The following SRGAP2 variants were observed in gnomAD, a reference collection of about 807,000 sequenced individuals.
The protein encoded by SRGAP2 is SLIT-ROBO Rho GTPase activating protein 2, also known as SLIT-ROBO Rho GTPase-activating protein 2.
SRGAP2 carries 15 observed loss-of-function variants against 57.2 expected under a neutral mutation model. The ratio of observed to expected loss-of-function variants is 0.26; its 90% CI spans 0.18 to 0.40. The LOEUF (loss-of-function observed/expected upper bound fraction) is 0.40, where lower values mean the gene tolerates loss of function less well. Among genes scored for constraint, SRGAP2 ranks in the 10% least tolerant of loss-of-function variants. The pLI, the probability that SRGAP2 is intolerant of heterozygous loss-of-function variation, is 1.00. For synonymous variants in SRGAP2, 249 were observed against 248.0 expected (o/e 1.00, Z -0.04); for missense variants, 520 against 669.6 (o/e 0.78, Z 2.47).
At chr1:206,451,264 C>T (rs879971734) in intron 19 of SRGAP2, among the ~76,000 whole-genome samples, 6 of 152,128 alleles carry the variant, frequency 3.9e-5, no homozygotes, top group Admixed American at 1.3e-4. Context: ...AAAACTGACC[C>T]TTTCCAAAGT....
intron 2 of SRGAP2, among the ~76,000 whole-genome samples, chr1:206,261,554 G>GT (rs1250898352): frequency 1.3e-5 from 2 of 148,686 alleles, no homozygotes; most frequent in Non-Finnish European, 3.0e-5. Context: ...CAGGTGAGCA[G>GT]TTAAAAAAAA....
At chr1:206,354,231 T>C (rs1303547610) in intron 4 of SRGAP2, among the ~76,000 whole-genome samples, 2 of 152,218 alleles carry the variant, frequency 1.3e-5, no homozygotes, top group African/African-American at 4.8e-5. Flanking sequence ...ATAGAAACTC[T>C]AGGTGTACTT....
At chr1:206,224,409 A>G (rs1667158633) in intron 2 of SRGAP2, among the ~76,000 whole-genome samples, 1 of 145,240 alleles carries the variant, frequency 6.9e-6, no homozygotes, top group Non-Finnish European at 1.5e-5. Flanking sequence ...TACCTATACG[A>G]AAGTAGTTAA....
intron 3 of SRGAP2, among the ~76,000 whole-genome samples, chr1:206,326,814 A>C (rs1395028563): frequency 6.6e-6 from 1 of 152,234 alleles, no homozygotes; most frequent in Non-Finnish European, 1.5e-5. Context: ...TAGGCACAGA[A>C]GATTCACTGA....
chr1:206,359,798 C>CCTTTTTTTTTT (rs1676747838), intron 4 of SRGAP2, among the ~76,000 whole-genome samples: 1 of 70,212 alleles, frequency 1.4e-5, no homozygotes, highest in African/African-American at 5.9e-5. Context: ...GGATATTGCT[C>CCTTTTTTTTTT]TTTTTTTTTT....
At chr1:206,445,582 T>G (rs1250095006) in intron 17 of SRGAP2, among the ~76,000 whole-genome samples, 5 of 152,220 alleles carry the variant, frequency 3.3e-5, no homozygotes, top group Non-Finnish European at 7.4e-5. Flanking sequence ...GAAAGGAATA[T>G]CCCTAATAAT....
intron 18 of SRGAP2, among the ~76,000 whole-genome samples, chr1:206,447,076 G>A (rs1288674754): frequency 6.6e-6 from 1 of 152,136 alleles, no homozygotes; most frequent in Non-Finnish European, 1.5e-5. Context: ...GGTACAGTCC[G>A]TTACCCCATG....
intron 4 of SRGAP2, among the ~76,000 whole-genome samples, chr1:206,365,649 G>A (rs1251821804): frequency 1.5e-5 from 2 of 131,150 alleles, no homozygotes; most frequent in Non-Finnish European, 3.1e-5. Flanking sequence ...ACTCAGGGCC[G>A]GGGTAGGCGT....
At position 206,461,411 on chromosome 1, in the gene SRGAP2, T is replaced by G. The variant is rs1350473231; in HGVS notation, c.3207T>G (p.Cys1069Trp). Residue 1069 changes from cysteine (C) to tryptophan (W), a missense_variant, in exon 23 of 23, where the codon TGT (cysteine) becomes TGG (tryptophan). By Grantham distance (215) the Cys-to-Trp change is radical. Transcript: ENST00000573034. ...CCCCACAGTCTACTGACAAGTCTTG[T>G]ACTGTCTGAGGGATAATAATTTAAT... ...STSPQSTDKS[C>W]TV The G allele has an allele frequency of 1.3e-6, 1 of 771,832 alleles. No homozygotes were observed. The highest frequency in any genetic ancestry group is 2.4e-6 in the Non-Finnish European group (1 of 411,984). 47.8% of individuals were successfully genotyped at this position (771,832 alleles called of 1,614,324 possible).
At chr1:206,259,561 T>G (rs61815475) in intron 2 of SRGAP2, among the ~76,000 whole-genome samples, 60,147 of 146,614 alleles carry the variant, frequency 0.41, 12,723 homozygotes, top group East Asian at 0.71. Flanking sequence ...GATCTCAAAC[T>G]CCTGGGCTCA....
At chr1:206,327,347 T>C (rs1490628280) in intron 3 of SRGAP2, among the ~76,000 whole-genome samples, 1 of 148,840 alleles carries the variant, frequency 6.7e-6, no homozygotes, top group Admixed American at 6.7e-5. Flanking sequence ...AAAAAAGAAG[T>C]GTTCCTATTT....
At chr1:206,239,614 T>A (rs1553308694) in intron 2 of SRGAP2, among the ~76,000 whole-genome samples, 1 of 148,380 alleles carries the variant, frequency 6.7e-6, no homozygotes, top group African/African-American at 2.5e-5. Flanking sequence ...TGCGCCACCA[T>A]GCCCGGCTGA....
intron 2 of SRGAP2, among the ~76,000 whole-genome samples, chr1:206,236,186 CTG>C (rs1228447837): frequency 7.0e-6 from 1 of 142,860 alleles, no homozygotes; most frequent in Non-Finnish European, 1.5e-5. Context: ...ACATGAGACT[CTG>C]TGCTGCTTCT....
At chr1:206,443,930 C>T (rs782656207) in intron 17 of SRGAP2, among the ~76,000 whole-genome samples, 9 of 152,070 alleles carry the variant, frequency 5.9e-5, no homozygotes, top group Non-Finnish European at 1.2e-4. Context: ...TAGCTCACAC[C>T]TGTAATCCCA....
chr1:206,278,013 G>A lies in SRGAP2; in HGVS notation c.68-25268G>A, dbSNP rs1193917920. On this transcript the variant is annotated intron_variant, in intron 2 of 22. Coordinates refer to ENST00000573034, the MANE Select transcript of SRGAP2 (RefSeq NM_015326.5). ...AAGAGAATAAAATAGAGTAGAAGACGCTTTTTTTCTTTTAGCCACTACCAA... is the reference window on the plus strand; with the variant it reads ...AAGAGAATAAAATAGAGTAGAAGACACTTTTTTTCTTTTAGCCACTACCAA... 1.7e-4 allele frequency among the ~76,000 whole-genome samples: 26 copies of A among 151,448 alleles called. No homozygotes were observed. In the East Asian group the frequency reaches 3.5e-3, roughly 20 times the overall value.
intron 3 of SRGAP2, among the ~76,000 whole-genome samples, chr1:206,341,822 A>G (rs1372859838): frequency 6.6e-6 from 1 of 152,036 alleles, no homozygotes; most frequent in Non-Finnish European, 1.5e-5. Context: ...ACATGGTGAA[A>G]ACCCATCTCT....
At chr1:206,291,895 A>C (rs1396280505) in intron 2 of SRGAP2, among the ~76,000 whole-genome samples, 1 of 149,362 alleles carries the variant, frequency 6.7e-6, no homozygotes, top group Non-Finnish European at 1.5e-5. Context: ...CTTTCATTGG[A>C]ATAAGTTTTG....
In SRGAP2 at chr1:206,461,652, C is replaced by T. The variant is rs12117082; in HGVS notation, c.*232C>T. The T allele has an allele frequency of 0.24, 122,312 of 520,328 alleles. 15,273 individuals carry two copies. Among genetic ancestry groups the T allele is most frequent in the South Asian group, 0.27 (9,816 of 36,526 alleles). 32.2% of individuals were successfully genotyped at this position (520,328 alleles called of 1,614,324 possible). A position where few individuals can be genotyped will look rare whatever the true frequency, so the allele number is the denominator to read the frequency against. On this transcript the variant is annotated 3_prime_UTR_variant, in exon 23 of 23. Transcript: ENST00000573034. ...CGTCGTAATTCAGCCAGCTGCAGTC[C>T]GTACCGTTCTTAGGTTAGCCAGAGA...
intron 2 of SRGAP2, among the ~76,000 whole-genome samples, chr1:206,254,681 A>G (rs1669077528): frequency 6.7e-6 from 1 of 150,284 alleles, no homozygotes; most frequent in South Asian, 2.1e-4. Flanking sequence ...GGAGTCAGCC[A>G]TTTCTCTAGG....
Sources: gnomAD v4.1 joint callset for allele counts (sites outside exome capture counted in the v4.1 genomes callset) on GRCh38, gnomAD v4.1.1 for gene constraint, MANE v1.5 for transcripts, NCBI Gene and HGNC (gene_info 2026-07-23, HGNC 2026-07-21) for gene names.